STPG2: variants seen among roughly 807,000 people sequenced by gnomAD.
STPG2 encodes the protein sperm tail PG-rich repeat containing 2, also known as sperm-tail PG-rich repeat-containing protein 2.
In STPG2, 56 loss-of-function variants were observed where a neutral mutation model predicts 54.2. The ratio of observed to expected loss-of-function variants is 1.03; its 90% CI spans 0.83 to 1.29. STPG2 has a LOEUF of 1.29. STPG2 is among the 50% of genes most tolerant of loss of function. The pLI, the probability that STPG2 is intolerant of heterozygous loss-of-function variation, is 0.00. For missense variants in STPG2, 596 were observed against 544.9 expected (o/e 1.09, Z -0.93); for synonymous variants, 200 against 181.8 (o/e 1.10, Z -0.81).
At position 98,052,274 on chromosome 4, in the gene STPG2, CTTAT is replaced by C. The variant is rs528079629; in HGVS notation, c.612+53675_612+53678del. ...TATTGGAGACAAGTTTCTTATGGCT[CTTAT>C]TTGTTTATCTCTTGAGATGAGGAAT... On this transcript the variant is annotated intron_variant, in intron 5 of 10. Coordinates refer to ENST00000295268, the MANE Select transcript of STPG2 (RefSeq NM_174952.3). Among the ~76,000 whole-genome samples, 642 of 152,156 alleles carry C rather than the reference CTTAT, an allele frequency of 4.2e-3. 3 individuals are homozygous for C. The highest frequency in any genetic ancestry group is 0.024 in the South Asian group (118 of 4,822).
chr4:97,634,316 G>A (rs1455618914), intron 10 of STPG2, among the ~76,000 whole-genome samples: 1 of 152,026 alleles, frequency 6.6e-6, no homozygotes, highest in Admixed American at 6.5e-5. Context: ...AAACAGAAAG[G>A]ACATCCACAC....
chr4:97,738,464 C>A (rs939687621), intron 9 of STPG2, among the ~76,000 whole-genome samples: 1 of 152,112 alleles, frequency 6.6e-6, no homozygotes, highest in Admixed American at 6.5e-5. Flanking sequence ...ATTCAGGAAA[C>A]CCATCTCACG....
intron 9 of STPG2, among the ~76,000 whole-genome samples, chr4:97,788,804 T>C (rs1391946397): frequency 6.6e-6 from 1 of 152,150 alleles, no homozygotes; most frequent in Non-Finnish European, 1.5e-5. Context: ...ATATAGTTTT[T>C]GTTAATTCAA....
At chr4:98,132,886 A>G (rs1009406924) in intron 2 of STPG2, among the ~76,000 whole-genome samples, 3 of 151,096 alleles carry the variant, frequency 2.0e-5, no homozygotes, top group Admixed American at 2.0e-4. Context: ...AGAGATGGGA[A>G]TTCGTAAAGC....
chr4:97,824,816 CG>C (rs1480689238), intron 9 of STPG2, among the ~76,000 whole-genome samples: 1 of 152,094 alleles, frequency 6.6e-6, no homozygotes, highest in African/African-American at 2.4e-5. Context: ...TGCCATTTTA[CG>C]GGGGCAGCCT....
At chr4:97,775,483 C>T (rs1341513954) in intron 9 of STPG2, among the ~76,000 whole-genome samples, 1 of 151,694 alleles carries the variant, frequency 6.6e-6, no homozygotes, top group African/African-American at 2.4e-5. Flanking sequence ...ATTTATTCAC[C>T]TTCTATTTAC....
At chr4:97,950,935 AC>A (rs1004047654) in intron 7 of STPG2, among the ~76,000 whole-genome samples, 10 of 152,030 alleles carry the variant, frequency 6.6e-5, no homozygotes, top group African/African-American at 2.4e-4. Context: ...CACAATTCTG[AC>A]CCTCCCCAAA....
chr4:97,541,584 T>C (rs1731706535), intron 4 of STPG2, among the ~76,000 whole-genome samples: 1 of 152,160 alleles, frequency 6.6e-6, no homozygotes, highest in Admixed American at 6.5e-5. Flanking sequence ...CTCATCAAGC[T>C]ACGAATGATT....
chr4:97,541,995 T>C lies in STPG2; in HGVS notation c.462+170704A>G, dbSNP rs549860226. 4.6e-5 allele frequency among the ~76,000 whole-genome samples: 7 copies of C among 152,248 alleles called. No homozygotes were observed. The South Asian group carries it at 1.5e-3, about 32-fold the overall frequency. The stretch of plus-strand genomic sequence containing the variant: ...TCAAGATGGATTAAAGACTTAAACG[T>C]TAGACCTAAAACCATAAAAACCCTA... On this transcript the variant is annotated intron_variant, in intron 4 of 4. Coordinates refer to the STPG2 transcript ENST00000522676.
At chr4:97,492,566 C>G (rs191457869) in intron 4 of STPG2, among the ~76,000 whole-genome samples, 1 of 151,448 alleles carries the variant, frequency 6.6e-6, no homozygotes, top group African/African-American at 2.4e-5. Context: ...TAGTTAGATT[C>G]CTTTGTTCTT....
chr4:97,840,435 A>G (rs1728763258), intron 9 of STPG2, among the ~76,000 whole-genome samples: 1 of 151,636 alleles, frequency 6.6e-6, no homozygotes, highest in Non-Finnish European at 1.5e-5. Flanking sequence ...CTTTTACTGA[A>G]TAAGTATTTT....
intron 7 of STPG2, among the ~76,000 whole-genome samples, chr4:97,953,709 C>T (rs1165394141): frequency 6.6e-6 from 1 of 152,244 alleles, no homozygotes; most frequent in East Asian, 1.9e-4. Flanking sequence ...GGGCAGATTG[C>T]CAGGTTCCCC....
chr4:98,100,954 T>A (rs1356036796), intron 5 of STPG2, among the ~76,000 whole-genome samples: 1 of 151,924 alleles, frequency 6.6e-6, no homozygotes, highest in Non-Finnish European at 1.5e-5. Context: ...GGGATTACAG[T>A]CGTGAGCCAC....
chr4:97,860,720 C>T (rs965079251), intron 8 of STPG2, among the ~76,000 whole-genome samples: 1 of 152,056 alleles, frequency 6.6e-6, no homozygotes, highest in Non-Finnish European at 1.5e-5. Flanking sequence ...GTATCATCAG[C>T]AAACAGATAG....
At chr4:98,035,362 C>T (rs967008383) in intron 5 of STPG2, among the ~76,000 whole-genome samples, 12 of 152,182 alleles carry the variant, frequency 7.9e-5, no homozygotes, top group African/African-American at 2.9e-4. Flanking sequence ...CTCATTATCA[C>T]TGGTCATTAC....
chr4:97,676,733 G>A (rs1722863674), intron 10 of STPG2, among the ~76,000 whole-genome samples: 1 of 152,078 alleles, frequency 6.6e-6, no homozygotes, highest in Admixed American at 6.6e-5. Context: ...ACTATAAAAT[G>A]ACAATATTGG....
intron 5 of STPG2, among the ~76,000 whole-genome samples, chr4:98,045,647 G>A (rs1210081464): frequency 1.3e-5 from 2 of 151,866 alleles, no homozygotes; most frequent in Non-Finnish European, 2.9e-5. Context: ...TTTTCTTTTA[G>A]CACTTTGATT....
chr4:97,585,024 T>C (rs990094238), intron 10 of STPG2, among the ~76,000 whole-genome samples: 2 of 141,308 alleles, frequency 1.4e-5, no homozygotes, highest in East Asian at 2.2e-4. Context: ...GAAGCCAGTA[T>C]TCCCCTAATA....
intron 10 of STPG2, among the ~76,000 whole-genome samples, chr4:97,649,995 T>G (rs1722019331): frequency 6.6e-6 from 1 of 151,848 alleles, no homozygotes; most frequent in Non-Finnish European, 1.5e-5. Context: ...CATGTTGGAG[T>G]GATGGGAGAC....
Sources: allele counts gnomAD v4.1 joint callset (sites outside exome capture counted in the v4.1 genomes callset), GRCh38; gene constraint gnomAD v4.1.1; transcripts MANE v1.5; gene names NCBI Gene and HGNC (gene_info 2026-07-23, HGNC 2026-07-21).